The following LRRC37A2 variants were observed in gnomAD, a reference collection of about 807,000 sequenced individuals.
LRRC37A2 encodes the protein leucine-rich repeat-containing protein 37A2.
A neutral mutation model predicts 68.8 loss-of-function variants in LRRC37A2; 9 were observed. The observed-to-expected ratio is 0.13, with a 90% confidence interval of 0.08 to 0.23. The LOEUF is 0.23. Ranked by LOEUF, LRRC37A2 falls within the 10% of genes least tolerant of loss-of-function variation. The probability of loss-of-function intolerance (pLI) is 1.00; values close to 1 mark genes in which losing one functional copy is unlikely to be tolerated. For missense variants in LRRC37A2, 168 were observed against 950.4 expected, an observed-to-expected ratio of 0.18 and a Z score of 10.82; for synonymous variants, 63 against 367.6, an observed-to-expected ratio of 0.17 and a Z score of 9.48.
At chr17:46,969,669 T>C in the LRRC37A2 span, among the ~76,000 whole-genome samples, 1 of 152,188 alleles carries the variant, frequency 6.6e-6, no homozygotes, top group Admixed American at 6.5e-5. Context: ...GCTTGGTGGA[T>C]AAATGCCTTA....
the LRRC37A2 span, among the ~76,000 whole-genome samples, chr17:46,809,464 C>G: frequency 1.3e-5 from 2 of 152,184 alleles, no homozygotes; most frequent in Non-Finnish European, 2.9e-5. Context: ...TGCTCCCATC[C>G]CCCTCCCCAA....
chr17:46,836,773 G>A, the LRRC37A2 span, among the ~76,000 whole-genome samples: 1 of 152,122 alleles, frequency 6.6e-6, no homozygotes, highest in Non-Finnish European at 1.5e-5. Flanking sequence ...AAGCCACCAG[G>A]TGACCTGTGT....
the LRRC37A2 span, among the ~76,000 whole-genome samples, chr17:46,707,468 C>T: frequency 3.3e-5 from 5 of 151,974 alleles, no homozygotes; most frequent in Non-Finnish European, 7.4e-5. Context: ...ATAATCATCA[C>T]CACCATCCAT....
the LRRC37A2 span, chr17:46,935,434 T>C: frequency 4.9e-6 from 7 of 1,418,028 alleles, no homozygotes; most frequent in Non-Finnish European, 6.4e-6. Flanking sequence ...GAACTTATCA[T>C]GAAAGTGAGT....
At chr17:46,676,346 C>A in the LRRC37A2 span, among the ~76,000 whole-genome samples, 1 of 136,944 alleles carries the variant, frequency 7.3e-6, no homozygotes, top group Non-Finnish European at 1.5e-5. Context: ...AATTCTCCTG[C>A]CTCAGCCTCC....
Position 46,545,425 on chromosome 17 carries a change from C to T in LRRC37A2, c.3054-830C>T, listed in dbSNP as rs1236136085. On this transcript the variant is annotated intron_variant, in intron 8 of 14. Transcript: ENST00000576629. ...TATAATTTTGCCACTGTATTTCAGC[C>T]TGGGTGACAAAATAAAAATAAAAAT... 8.4e-5 allele frequency among the ~76,000 whole-genome samples: 9 copies of T among 107,708 alleles called. No individual in the cohort carries two copies. The East Asian group carries it at 2.3e-3, about 27-fold the overall frequency. The allele number at this position is 107,708 out of a possible 152,430, so 70.7% of individuals were successfully genotyped here.
the LRRC37A2 span, chr17:46,939,806 T>C: frequency 1.0e-6 from 1 of 987,632 alleles, no homozygotes; most frequent in South Asian, 4.7e-5. Context: ...GGATTCAGGC[T>C]GTACTAATAC....
At chr17:46,788,033 C>T in the LRRC37A2 span, among the ~76,000 whole-genome samples, 4 of 151,568 alleles carry the variant, frequency 2.6e-5, no homozygotes, top group African/African-American at 9.7e-5. Context: ...CAGTCAGTTG[C>T]AGAGTGTGAG....
At chr17:46,884,843 C>A in the LRRC37A2 span, among the ~76,000 whole-genome samples, 1 of 152,200 alleles carries the variant, frequency 6.6e-6, no homozygotes, top group South Asian at 2.1e-4. Context: ...AAGGGAGAGG[C>A]CGTGGAGCTG....
the LRRC37A2 span, among the ~76,000 whole-genome samples, chr17:46,798,885 TA>T: frequency 6.6e-6 from 1 of 151,868 alleles, no homozygotes; most frequent in African/African-American, 2.4e-5. Flanking sequence ...CCATCTCTAC[TA>T]AAAATACAAA....
chr17:46,550,867 TGA>T (rs1399384633), intron 11 of LRRC37A2, among the ~76,000 whole-genome samples: 1 of 144,900 alleles, frequency 6.9e-6, no homozygotes, highest in Non-Finnish European at 1.5e-5. Flanking sequence ...GCTGAAATGA[TGA>T]GAGAGGTATA....
At chr17:46,978,433 C>A in the LRRC37A2 span, 6 of 549,040 alleles carry the variant, frequency 1.1e-5, no homozygotes, top group Admixed American at 1.2e-4. Context: ...CATTCTCCCA[C>A]CCCGCAACGC....
the LRRC37A2 span, among the ~76,000 whole-genome samples, chr17:46,771,716 C>G: frequency 9.2e-4 from 131 of 142,316 alleles, no homozygotes; most frequent in African/African-American, 3.2e-3. Context: ...CCCCCGGCCC[C>G]GGCGCCGGGC....
the LRRC37A2 span, among the ~76,000 whole-genome samples, chr17:46,968,069 T>C: frequency 6.6e-6 from 1 of 152,046 alleles, no homozygotes; most frequent in African/African-American, 2.4e-5. Flanking sequence ...GGGGGCCTTC[T>C]TCAGCTTGGG....
At chr17:46,770,490 C>G in the LRRC37A2 span, among the ~76,000 whole-genome samples, 1,794 of 152,274 alleles carry the variant, frequency 0.012, 39 homozygotes, top group African/African-American at 0.042. Flanking sequence ...AGGAGGGAGG[C>G]CTGGGAATCT....
At chr17:46,929,476 T>G in the LRRC37A2 span, 1 of 988,866 alleles carries the variant, frequency 1.0e-6, no homozygotes, top group South Asian at 1.3e-5. Context: ...GAAGCGCTGT[T>G]GATTACTCCT....
the LRRC37A2 span, among the ~76,000 whole-genome samples, chr17:46,882,029 A>G: frequency 6.6e-6 from 1 of 152,146 alleles, no homozygotes; most frequent in Non-Finnish European, 1.5e-5. Context: ...ACAGGTTCAC[A>G]CCCATAATCC....
the LRRC37A2 span, among the ~76,000 whole-genome samples, chr17:46,900,168 CAT>C: frequency 0.062 from 3,952 of 63,690 alleles, 86 homozygotes; most frequent in East Asian, 0.19. Context: ...TATACATATA[CAT>C]ATATATATAT....
chr17:46,771,933 CGCCGCCGCCGCGCCTCGCCCCTTCCG>C, the LRRC37A2 span, among the ~76,000 whole-genome samples: 1 of 146,648 alleles, frequency 6.8e-6, no homozygotes, highest in African/African-American at 2.5e-5. Context: ...GGGCCCGCCG[CGCCGCCGCCGCGCCTCGCCCCTTCCG>C]GCCGCCGACC....
Sources: allele counts gnomAD v4.1 joint callset (sites outside exome capture counted in the v4.1 genomes callset), GRCh38; gene constraint gnomAD v4.1.1; transcripts MANE v1.5; gene names NCBI Gene and HGNC (gene_info 2026-07-23, HGNC 2026-07-21).